TRHDE: variants seen among roughly 807,000 people sequenced by gnomAD.
TRHDE encodes the protein thyrotropin-releasing hormone-degrading ectoenzyme.
TRHDE carries 72 observed loss-of-function variants against 125.7 expected under a neutral mutation model. That is an observed-to-expected ratio of 0.57 (90% CI 0.47 to 0.70). The LOEUF (loss-of-function observed/expected upper bound fraction) is 0.70, where lower values mean the gene tolerates loss of function less well. Ranked by LOEUF, TRHDE falls within the 30% of genes least tolerant of loss-of-function variation. The pLI, the probability that TRHDE is intolerant of heterozygous loss-of-function variation, is 0.00. For synonymous variants in TRHDE, 509 were observed against 509.1 expected (o/e 1.00, Z 0.00); for missense variants, 1,110 against 1,327.1 (o/e 0.84, Z 2.54).
rs561610826 is a variant in TRHDE, at chr12:72,345,450, C to G, written c.1189-32545C>G. ...ATACAGATGCAACAGGCATAAATAA[C>G]AAGTACATAAATAATAGTAAAATAG... On this transcript the variant is annotated intron_variant, in intron 2 of 18. Coordinates refer to ENST00000261180, the MANE Select transcript of TRHDE (RefSeq NM_013381.3). Among the ~76,000 whole-genome samples, 12 of 152,200 alleles carry G rather than the reference C, an allele frequency of 7.9e-5. No homozygotes were observed. The South Asian group carries it at 2.1e-3, about 26-fold the overall frequency.
At chr12:72,481,974 T>C (rs1877194484) in intron 5 of TRHDE, among the ~76,000 whole-genome samples, 1 of 151,990 alleles carries the variant, frequency 6.6e-6, no homozygotes, top group African/African-American at 2.4e-5. Context: ...GTGAGGCCCT[T>C]CTTAAGTGCT....
At chr12:72,268,783 C>T (rs1473260809), upstream of TRHDE, among the ~76,000 whole-genome samples, 1 of 152,042 alleles carries the variant, frequency 6.6e-6, no homozygotes, top group African/African-American at 2.4e-5. Context: ...TTATTAAAAA[C>T]AACTTCTGTT....
At chr12:72,511,483 T>C (rs1306988604) in intron 6 of TRHDE, among the ~76,000 whole-genome samples, 1 of 152,190 alleles carries the variant, frequency 6.6e-6, no homozygotes, top group Non-Finnish European at 1.5e-5. Flanking sequence ...TTCCTTTTCT[T>C]TGTTACCAGA....
At chr12:72,327,051 G>T (rs1869373135) in intron 2 of TRHDE, among the ~76,000 whole-genome samples, 3 of 151,902 alleles carry the variant, frequency 2.0e-5, no homozygotes, top group South Asian at 2.1e-4. Context: ...GAAGATATAA[G>T]ATCTATTATC....
chr12:72,487,501 G>C (rs1877470239), intron 5 of TRHDE, among the ~76,000 whole-genome samples: 1 of 152,060 alleles, frequency 6.6e-6, no homozygotes, highest in South Asian at 2.1e-4. Context: ...AGTACTGAAA[G>C]AAAATAAAAA....
intron 1 of TRHDE, among the ~76,000 whole-genome samples, chr12:72,105,107 C>G (rs1417601012): frequency 6.6e-6 from 1 of 152,116 alleles, no homozygotes; most frequent in Non-Finnish European, 1.5e-5. Flanking sequence ...GGGCCTCAGA[C>G]TTTAGAGCTA....
At chr12:72,188,358 A>C (rs1877269591) in intron 2 of TRHDE, among the ~76,000 whole-genome samples, 1 of 152,262 alleles carries the variant, frequency 6.6e-6, no homozygotes, top group South Asian at 2.1e-4. Context: ...AGTCATTGTG[A>C]AAATGTATCT....
chr12:72,393,022 C>A (rs921689520), intron 3 of TRHDE, among the ~76,000 whole-genome samples: 1 of 151,938 alleles, frequency 6.6e-6, no homozygotes, highest in Non-Finnish European at 1.5e-5. Flanking sequence ...CATTTGTATA[C>A]AAATTTATTT....
chr12:72,278,347 T>G lies in TRHDE; in HGVS notation c.914+4790T>G, dbSNP rs568915627. 1.3e-5 allele frequency among the ~76,000 whole-genome samples: 2 copies of G among 152,300 alleles called. 1 individual carries two copies. Among genetic ancestry groups the G allele is most frequent in the Non-Finnish European group, 2.9e-5 (2 of 67,992 alleles). On this transcript the variant is annotated intron_variant, in intron 1 of 18. Coordinates refer to ENST00000261180, the MANE Select transcript of TRHDE (RefSeq NM_013381.3). ...TTTATCCATCCATTCATTGATGAAC[T>G]CTTAGGTTGGTTCTGTATCTCGGCT...
chr12:72,512,549 TATA>T (rs1394850269), intron 6 of TRHDE, among the ~76,000 whole-genome samples: 2 of 140,028 alleles, frequency 1.4e-5, no homozygotes, highest in African/African-American at 2.6e-5. Flanking sequence ...TATATTCATA[TATA>T]ATCATATATA....
chr12:72,512,659 A>G (rs900442893), intron 6 of TRHDE, among the ~76,000 whole-genome samples: 2 of 144,384 alleles, frequency 1.4e-5, no homozygotes, highest in Non-Finnish European at 3.0e-5. Flanking sequence ...TATATAATAT[A>G]TAATATAAAT....
In TRHDE at chr12:72,611,181, T is replaced by C. The variant is rs147279439; in HGVS notation, c.2322-7710T>C. 475 of 197,048 alleles carry C rather than the reference T, an allele frequency of 2.4e-3. 4 individuals carry two copies. The highest frequency in any genetic ancestry group is 0.015 in the East Asian group (127 of 8,298). 12.2% of individuals were successfully genotyped at this position (197,048 alleles called of 1,614,324 possible). On this transcript the variant is annotated intron_variant, in intron 12 of 18. Coordinates refer to ENST00000261180, the MANE Select transcript of TRHDE (RefSeq NM_013381.3). ...CAGCAAAGTTCAGTGACATGAGTTT[T>C]GTCCTGTCTGTGCTGATCTGCAGGC...
chr12:72,424,647 CTCT>C (rs1262437772), intron 3 of TRHDE, among the ~76,000 whole-genome samples: 1 of 152,148 alleles, frequency 6.6e-6, no homozygotes, highest in Non-Finnish European at 1.5e-5. Context: ...AAGTTCCTGT[CTCT>C]TCTTGCTAAA....
intron 3 of TRHDE, among the ~76,000 whole-genome samples, chr12:72,426,774 G>C (rs1210517955): frequency 1.3e-5 from 2 of 150,730 alleles, no homozygotes; most frequent in Non-Finnish European, 2.9e-5. Context: ...ATTTTTCCTG[G>C]GAAAAGGGAC....
At chr12:72,308,260 A>G (rs1006096191) in intron 2 of TRHDE, among the ~76,000 whole-genome samples, 3 of 152,052 alleles carry the variant, frequency 2.0e-5, no homozygotes, top group Non-Finnish European at 4.4e-5. Flanking sequence ...GAATGTGAGG[A>G]CAAATTGCCT....
At chr12:72,433,529 T>C (rs1233019541) in intron 3 of TRHDE, among the ~76,000 whole-genome samples, 1 of 151,904 alleles carries the variant, frequency 6.6e-6, no homozygotes, top group African/African-American at 2.4e-5. Flanking sequence ...ATGAGCAAGC[T>C]GAAGAAAAGG....
intron 2 of TRHDE, among the ~76,000 whole-genome samples, chr12:72,230,447 G>A (rs1878225138): frequency 6.6e-6 from 1 of 152,090 alleles, no homozygotes; most frequent in Non-Finnish European, 1.5e-5. Flanking sequence ...GTTTTCTAAT[G>A]TATCAATCAC....
intron 1 of TRHDE, among the ~76,000 whole-genome samples, chr12:72,280,812 G>T (rs1355869814): frequency 6.6e-6 from 1 of 152,120 alleles, no homozygotes; most frequent in Non-Finnish European, 1.5e-5. Flanking sequence ...CAAGGGAAAG[G>T]CGTCTCAATC....
chr12:72,386,786 T>C (rs1016053410), intron 3 of TRHDE, among the ~76,000 whole-genome samples: 14 of 152,318 alleles, frequency 9.2e-5, no homozygotes, highest in African/African-American at 3.4e-4. Flanking sequence ...TCTCAGCCTT[T>C]ATCTTGAGCT....
Sources: gnomAD v4.1 joint callset for allele counts (sites outside exome capture counted in the v4.1 genomes callset) on GRCh38, gnomAD v4.1.1 for gene constraint, MANE v1.5 for transcripts, NCBI Gene and HGNC (gene_info 2026-07-23, HGNC 2026-07-21) for gene names.